The following HUWE1 variants were observed in gnomAD, a reference collection of about 807,000 sequenced individuals.
HUWE1 encodes the protein E3 ubiquitin-protein ligase HUWE1.
HUWE1 carries 18 observed loss-of-function variants against 299.4 expected under a neutral mutation model. The observed-to-expected ratio is 0.06, with a 90% CI of 0.04 to 0.09. HUWE1 has a LOEUF of 0.09. Among genes scored for constraint, HUWE1 ranks in the 10% least tolerant of loss-of-function variants. The pLI is 1.00. For synonymous variants in HUWE1, 1,317 were observed against 1,286.1 expected, an observed-to-expected ratio of 1.02 and a Z score of -0.51; for missense variants, 1,832 against 3,462.3, an observed-to-expected ratio of 0.53 and a Z score of 11.82.
At position 53,536,796 on chromosome X, in the gene HUWE1, A is replaced by T. The variant is rs1345772799; in HGVS notation, c.12138-129T>A. The T allele has an allele frequency of 6.6e-6, 4 of 603,989 alleles. No individual in the cohort carries two copies. In the Admixed American group the frequency reaches 8.2e-5, roughly 12 times the overall value. 49.8% of individuals were successfully genotyped at this position (603,989 alleles called of 1,213,427 possible). A position where few individuals can be genotyped will look rare whatever the true frequency, so the allele number is the denominator to read the frequency against. On this transcript the variant is annotated intron_variant, in intron 78 of 83. Coordinates refer to ENST00000262854, the MANE Select transcript of HUWE1 (RefSeq NM_031407.7). ...GTGTCAGATGAAGAGGTAAACAGAG[A>T]GTGCCAGGACAGCCCAGAAATGGGG...
chrX:53,578,455 G>A (rs2063329350), intron 43 of HUWE1, among the ~76,000 whole-genome samples: 1 of 95,102 alleles, frequency 1.1e-5, no homozygotes, highest in Admixed American at 1.0e-4. Flanking sequence ...CCCTCTGCCC[G>A]GCCAGTCGCC....
intron 3 of HUWE1, among the ~76,000 whole-genome samples, chrX:53,668,109 T>C (rs1391899651): frequency 1.8e-5 from 2 of 110,796 alleles, no homozygotes; most frequent in Admixed American, 9.6e-5. Flanking sequence ...AATTCTCTCA[T>C]GTCCTTGGGT....
chrX:53,681,795 A>G (rs1557053507), intron 2 of HUWE1, among the ~76,000 whole-genome samples: 1 of 112,553 alleles, frequency 8.9e-6, no homozygotes, highest in African/African-American at 3.2e-5. Context: ...GACAGGACAG[A>G]CTGCCTTTGA....
intron 2 of HUWE1, 49 bp downstream of exon 2, chrX:53,686,221 G>A (rs1557055603): frequency 3.5e-5 from 4 of 113,013 alleles, no homozygotes; most frequent in Admixed American, 9.3e-5. Context: ...CTGAAGGCCC[G>A]GCCTCTACTC....
chrX:53,534,489 T>C, intron 82 of HUWE1, 27 bp downstream of exon 82: 1 of 1,183,392 alleles, frequency 8.5e-7, no homozygotes, highest in South Asian at 1.8e-5. Context: ...GAGGACCATA[T>C]GAGGAGGGAT....
chrX:53,607,373 T>G lies in HUWE1; in HGVS notation c.2496+150A>C, dbSNP rs138098690. On this transcript the variant is annotated intron_variant, in intron 25 of 83. Transcript: ENST00000262854. ...ATGAGAAATAACATGGCACACTATA[T>G]ATTAGTCACAAAATTCACTTATACA... 3,928 of 493,896 alleles carry G rather than the reference T, an allele frequency of 8.0e-3. 116 individuals are homozygous for G. The African/African-American group carries it at 0.081, about 10-fold the overall frequency. 40.7% of individuals were successfully genotyped at this position (493,896 alleles called of 1,213,427 possible). A position where few individuals can be genotyped will look rare whatever the true frequency, so the allele number is the denominator to read the frequency against.
At chrX:53,605,875 G>C (rs782589339) in intron 25 of HUWE1, among the ~76,000 whole-genome samples, 13 of 111,543 alleles carry the variant, frequency 1.2e-4, no homozygotes, top group Non-Finnish European at 2.4e-4. Context: ...CATATATATG[G>C]TCAAATGATT....
intron 68 of HUWE1, 105 bp from the exon 69 acceptor site, chrX:53,546,930 G>A (rs1256989055): frequency 9.9e-7 from 1 of 1,005,729 alleles, no homozygotes; most frequent in African/African-American, 1.9e-5. Context: ...CTTCAAAATG[G>A]GAAAGTACTG....
chrX:53,539,003 G>A lies in HUWE1; in HGVS notation c.11710C>T (p.Arg3904Cys), dbSNP rs782376870. The A allele has an allele frequency of 1.6e-5, 19 of 1,205,272 alleles. No individual in the cohort carries two copies. The Admixed American group carries it at 3.1e-4, about 20-fold the overall frequency. ...TTGATGTGTGCCAGCTGGCTCTCAC[G>A]GGTGTCTCGGACAGGAGGCTTGCTC... ...RESKPPVRDT[R>C]ESQLAHIKDE... Residue 3904 changes from arginine to cysteine, a missense_variant, in exon 76 of 84, where the codon CGT becomes TGT. By Grantham distance (180) the Arg-to-Cys change is radical. Around this residue, in one of 15 missense-constraint regions of HUWE1, gnomAD observed 129 missense variants for 439.4 expected, o/e 0.29. Transcript: ENST00000262854.
intron 59 of HUWE1, among the ~76,000 whole-genome samples, chrX:53,557,751 C>T (rs1190937798): frequency 9.0e-6 from 1 of 111,455 alleles, no homozygotes; most frequent in Non-Finnish European, 1.9e-5. Context: ...GTATTTTTTC[C>T]CTTCATGGGG....
Position 53,564,590 on chromosome X carries a change from C to G in HUWE1, c.7013G>C (p.Ser2338Thr), listed in dbSNP as rs2062442667. The G allele has an allele frequency of 8.3e-7, 1 of 1,209,269 alleles. No homozygotes were observed. Among genetic ancestry groups the G allele is most frequent in the African/African-American group, 1.8e-5 (1 of 57,061 alleles). The change falls in exon 51 of 84, where the codon AGT (serine) becomes ACT (threonine). Residue 2338 changes from serine to threonine, a missense_variant. By Grantham distance (58) the Ser-to-Thr change is moderately conservative. Transcript: ENST00000262854. ...CCTCCCTACCTGCATCTCTTGTGAA[C>G]TGAGCACCTCAGGCTGCCCAGCAAT... Reference protein sequence around the residue: ...VVIAGQPEVLSSQEMQVENEL... With the variant: ...VVIAGQPEVLTSQEMQVENEL...
At position 53,557,437 on chromosome X, in the gene HUWE1, G is replaced by C. The variant is rs1556936178; in HGVS notation, c.8161-10C>G. On this transcript the variant is annotated splice_polypyrimidine_tract_variant and intron_variant, in intron 59 of 83. Coordinates refer to ENST00000262854, the MANE Select transcript of HUWE1 (RefSeq NM_031407.7). ...ACTTAGATGCAGTACACTGCAAAAA[G>C]AAGGGATAGACCAATGTGGGACTTT... 1 of 1,197,881 alleles carries C rather than the reference G, an allele frequency of 8.3e-7. No homozygotes were observed. The highest frequency in any genetic ancestry group is 1.8e-5 in the African/African-American group (1 of 57,027).
intron 3 of HUWE1, among the ~76,000 whole-genome samples, chrX:53,664,032 T>C (rs1291004307): frequency 1.8e-5 from 2 of 111,040 alleles, no homozygotes; most frequent in African/African-American, 6.6e-5. Flanking sequence ...TGGATCCATT[T>C]ATAATCAGAT....
chrX:53,550,791 CTG>C (rs1159864890), intron 65 of HUWE1, 23 bp from the exon 66 acceptor site: 39 of 1,202,770 alleles, frequency 3.2e-5, no homozygotes, highest in Non-Finnish European at 4.1e-5. Flanking sequence ...AAAAAGAAAA[CTG>C]AGATTGTGGA....
chrX:53,577,522 C>CCTCTCCCTCTCCCTCTCT (rs1484871911), intron 43 of HUWE1, among the ~76,000 whole-genome samples: 1 of 80,726 alleles, frequency 1.2e-5, no homozygotes, highest in Admixed American at 1.4e-4. Context: ...TCTCCCTCTC[C>CCTCTCCCTCTCCCTCTCT]CTCCCTCTCC....
chrX:53,536,081 AG>A (rs1556912611), intron 80 of HUWE1, 65 bp downstream of exon 80: 1 of 701,017 alleles, frequency 1.4e-6, no homozygotes, highest in Non-Finnish European at 2.3e-6. Flanking sequence ...GCTAGTTCTA[AG>A]GTGAACCTGG....
chrX:53,645,746 T>C (rs1202750182), intron 6 of HUWE1, among the ~76,000 whole-genome samples: 2 of 16,990 alleles, frequency 1.2e-4, no homozygotes, highest in Non-Finnish European at 1.9e-4. Flanking sequence ...AATATATATA[T>C]ATATATATAT....
chrX:53,648,154 T>C (rs970206817), intron 5 of HUWE1, 58 bp downstream of exon 5: 18 of 752,494 alleles, frequency 2.4e-5, no homozygotes, highest in Admixed American at 9.0e-5. Context: ...TATCAGAGCA[T>C]ACAAAATGAT....
chrX:53,646,190 C>A (rs782508233), intron 6 of HUWE1, among the ~76,000 whole-genome samples: 1 of 110,742 alleles, frequency 9.0e-6, no homozygotes, highest in Non-Finnish European at 1.9e-5. Flanking sequence ...GACGGGGTCT[C>A]TCTGTTGCCC....
Sources: gnomAD v4.1 joint callset for allele counts (sites outside exome capture counted in the v4.1 genomes callset) on GRCh38, gnomAD v4.1.1 for gene constraint, gnomAD v4.1.1 regional missense constraint, MANE v1.5 for transcripts, NCBI Gene and HGNC (gene_info 2026-07-23, HGNC 2026-07-21) for gene names.